Variants in EPHB1 observed in about 807,000 individuals in gnomAD.
EPHB1 encodes EPH receptor B1, also known as ephrin type-B receptor 1.
In EPHB1, 30 loss-of-function variants were observed where a neutral mutation model predicts 94.4. That is an observed-to-expected ratio of 0.32 (90% CI 0.24 to 0.43). The LOEUF is 0.43. Ranked by LOEUF, EPHB1 falls within the 20% of genes least tolerant of loss-of-function variation. The pLI, the probability that EPHB1 is intolerant of heterozygous loss-of-function variation, is 1.00. For synonymous variants in EPHB1, 522 were observed against 489.1 expected (o/e 1.07, Z -0.89); for missense variants, 1,055 against 1,308.3 (o/e 0.81, Z 2.99).
At chr3:134,972,385 T>C (rs908062335) in intron 3 of EPHB1, among the ~76,000 whole-genome samples, 1 of 146,298 alleles carries the variant, frequency 6.8e-6, no homozygotes, top group Admixed American at 6.9e-5. Context: ...TATTTATATA[T>C]AAATATATAA....
At chr3:134,883,289 T>C (rs574845768) in intron 1 of EPHB1, among the ~76,000 whole-genome samples, 2 of 152,264 alleles carry the variant, frequency 1.3e-5, no homozygotes, top group Middle Eastern at 3.4e-3. Flanking sequence ...ATGAGGACAG[T>C]CTGAGACAAA....
At chr3:134,892,064 C>T (rs2037994796) in intron 1 of EPHB1, among the ~76,000 whole-genome samples, 1 of 152,210 alleles carries the variant, frequency 6.6e-6, no homozygotes, top group African/African-American at 2.4e-5. Context: ...TTTGCTACTC[C>T]CATAGAAGTA....
intron 2 of EPHB1, among the ~76,000 whole-genome samples, chr3:134,942,829 A>G (rs565479534): frequency 3.9e-5 from 6 of 152,360 alleles, no homozygotes; most frequent in Admixed American, 1.3e-4. Context: ...TCTTGTTGAA[A>G]TGAACTAATA....
chr3:134,898,973 G>T (rs1326376048), intron 1 of EPHB1, among the ~76,000 whole-genome samples: 1 of 152,210 alleles, frequency 6.6e-6, no homozygotes, highest in Non-Finnish European at 1.5e-5. Flanking sequence ...GGGAGTGGGG[G>T]TGGAGGGCAC....
intron 5 of EPHB1, among the ~76,000 whole-genome samples, chr3:135,139,164 T>G (rs1940727520): frequency 1.3e-5 from 2 of 152,312 alleles, no homozygotes; most frequent in Non-Finnish European, 1.5e-5. Context: ...GGAGTGGTGA[T>G]GAGAATGTGT....
At chr3:134,810,936 G>T (rs563334034) in intron 1 of EPHB1, among the ~76,000 whole-genome samples, 1 of 152,192 alleles carries the variant, frequency 6.6e-6, no homozygotes, top group East Asian at 1.9e-4. Flanking sequence ...GAGTTGAGTT[G>T]GGTTAAAGAC....
intron 3 of EPHB1, among the ~76,000 whole-genome samples, chr3:135,046,793 C>A (rs1937012230): frequency 6.6e-6 from 1 of 152,186 alleles, no homozygotes; most frequent in Non-Finnish European, 1.5e-5. Flanking sequence ...GGAAATATAA[C>A]CCTTACTCTG....
intron 12 of EPHB1, among the ~76,000 whole-genome samples, chr3:135,233,121 C>T (rs1943570711): frequency 6.6e-6 from 1 of 152,212 alleles, no homozygotes. Flanking sequence ...TTCCGGCAGT[C>T]CCCCAAAATC....
At chr3:135,077,287 G>A (rs1295712142) in intron 3 of EPHB1, among the ~76,000 whole-genome samples, 1 of 152,176 alleles carries the variant, frequency 6.6e-6, no homozygotes, top group African/African-American at 2.4e-5. Flanking sequence ...AGGAGTGGCA[G>A]TCTTGGGCAG....
chr3:135,136,610 CCTAGG>C (rs1346562476), intron 5 of EPHB1, among the ~76,000 whole-genome samples: 1 of 152,206 alleles, frequency 6.6e-6, no homozygotes, highest in Non-Finnish European at 1.5e-5. Context: ...TTTGCACCTC[CCTAGG>C]CTGCAGATAT....
intron 3 of EPHB1, among the ~76,000 whole-genome samples, chr3:134,960,032 T>A (rs1933451752): frequency 7.2e-6 from 1 of 139,108 alleles, no homozygotes; most frequent in Admixed American, 7.6e-5. Flanking sequence ...CTCACCACTT[T>A]TCAGTTTGAA....
At chr3:135,177,713 C>A (rs1942023409) in intron 9 of EPHB1, among the ~76,000 whole-genome samples, 1 of 152,158 alleles carries the variant, frequency 6.6e-6, no homozygotes, top group Non-Finnish European at 1.5e-5. Context: ...CACTTACTTT[C>A]AAAAATCTTG....
intron 1 of EPHB1, among the ~76,000 whole-genome samples, chr3:134,919,839 GGGGT>G (rs946860043): frequency 1.8e-4 from 25 of 137,006 alleles, no homozygotes; most frequent in African/African-American, 5.4e-4. Flanking sequence ...TCTTAGGGCA[GGGGT>G]GTGTGTGTGT....
At chr3:135,183,642 G>T (rs757595164) in intron 10 of EPHB1, among the ~76,000 whole-genome samples, 7 of 152,192 alleles carry the variant, frequency 4.6e-5, no homozygotes, top group Admixed American at 6.5e-5. Context: ...GTGTAGCCCT[G>T]GAGATGGGAG....
intron 3 of EPHB1, among the ~76,000 whole-genome samples, chr3:135,062,010 G>T (rs888269460): frequency 6.6e-6 from 1 of 152,106 alleles, no homozygotes; most frequent in African/African-American, 2.4e-5. Flanking sequence ...TTGGACATTT[G>T]GGTTGGTTCC....
intron 4 of EPHB1, among the ~76,000 whole-genome samples, chr3:135,116,696 C>T (rs1939730113): frequency 6.6e-6 from 1 of 152,190 alleles, no homozygotes. Flanking sequence ...CACTGGTGGG[C>T]CCCTGTCTGT....
intron 11 of EPHB1, among the ~76,000 whole-genome samples, chr3:135,197,138 C>T (rs1035987704): frequency 1.1e-4 from 16 of 151,480 alleles, no homozygotes; most frequent in African/African-American, 3.6e-4. Flanking sequence ...TAATAATAAG[C>T]GAAACAATTC....
intron 6 of EPHB1, among the ~76,000 whole-genome samples, chr3:135,156,395 G>A (rs1941356277): frequency 6.6e-6 from 1 of 152,194 alleles, no homozygotes; most frequent in Non-Finnish European, 1.5e-5. Flanking sequence ...GCAACAGGGA[G>A]GCCATGCTGA....
chr3:135,163,481 G>A (rs908666691), intron 7 of EPHB1, among the ~76,000 whole-genome samples: 2 of 152,142 alleles, frequency 1.3e-5, no homozygotes, highest in Admixed American at 1.3e-4. Flanking sequence ...GGTGAGATGG[G>A]GTAGAGAGGT....
Sources: allele counts gnomAD v4.1 joint callset (sites outside exome capture counted in the v4.1 genomes callset), GRCh38; gene constraint gnomAD v4.1.1; transcripts MANE v1.5; gene names NCBI Gene and HGNC (gene_info 2026-07-23, HGNC 2026-07-21).